NR6A1: variants seen among roughly 807,000 people sequenced by gnomAD.
The protein encoded by NR6A1 is retinoic acid receptor-related testis-associated receptor.
A neutral mutation model predicts 59.1 loss-of-function variants in NR6A1; 7 were observed. The ratio of observed to expected loss-of-function variants is 0.12; its 90% CI spans 0.07 to 0.22. The LOEUF is 0.22. Ranked by LOEUF, NR6A1 falls within the 10% of genes least tolerant of loss-of-function variation. The pLI, the probability that NR6A1 is intolerant of heterozygous loss-of-function variation, is 1.00. For missense variants in NR6A1, 468 were observed against 611.6 expected (o/e 0.77, Z 2.48); for synonymous variants, 243 against 236.1 (o/e 1.03, Z -0.27).
intron 2 of NR6A1, among the ~76,000 whole-genome samples, chr9:124,654,057 C>T (rs1837178502): frequency 6.6e-6 from 1 of 152,182 alleles, no homozygotes; most frequent in African/African-American, 2.4e-5. Flanking sequence ...AAGAAGCTCT[C>T]GTTGAACAAA....
chr9:124,620,826 T>C (rs1028831379), intron 2 of NR6A1, among the ~76,000 whole-genome samples: 15 of 150,204 alleles, frequency 1.0e-4, no homozygotes, highest in Non-Finnish European at 2.1e-4. Context: ...AAAAAAAAGG[T>C]TTAAAAAGAT....
chr9:124,679,902 G>C (rs1050547333), intron 2 of NR6A1, among the ~76,000 whole-genome samples: 1 of 77,078 alleles, frequency 1.3e-5, no homozygotes, highest in African/African-American at 4.5e-5. Flanking sequence ...ATCTCAAAGA[G>C]AAAAAAAAAA....
chr9:124,526,602 C>T (rs1039027472), intron 8 of NR6A1, among the ~76,000 whole-genome samples, 177 bp downstream of exon 8: 5 of 151,916 alleles, frequency 3.3e-5, no homozygotes, highest in Non-Finnish European at 1.5e-5. Context: ...ATTCCCTGTA[C>T]TATAAGGGTC....
chr9:124,630,961 C>T (rs1280498905), intron 2 of NR6A1, among the ~76,000 whole-genome samples: 2 of 152,094 alleles, frequency 1.3e-5, no homozygotes. Context: ...GCGTGAGCCA[C>T]TATGCCGGGC....
At chr9:124,542,491 T>C (rs1833477747) in intron 4 of NR6A1, among the ~76,000 whole-genome samples, 1 of 152,196 alleles carries the variant, frequency 6.6e-6, no homozygotes, top group Non-Finnish European at 1.5e-5. Context: ...CTCCCCTCTA[T>C]CTGCACTGCC....
chr9:124,549,632 T>C (rs1049869360), intron 3 of NR6A1, among the ~76,000 whole-genome samples: 2 of 152,236 alleles, frequency 1.3e-5, no homozygotes, highest in African/African-American at 4.8e-5. Context: ...GAGAGCTGTC[T>C]TGCACATAGG....
chr9:124,526,731 C>G (rs1202022353), intron 8 of NR6A1, 48 bp downstream of exon 8: 1 of 1,605,764 alleles, frequency 6.2e-7, no homozygotes, highest in Non-Finnish European at 8.5e-7. Context: ...ATGCTCACTG[C>G]CTGCCTCCCG....
intron 2 of NR6A1, among the ~76,000 whole-genome samples, chr9:124,683,546 C>A (rs7035105): frequency 0.012 from 1,801 of 152,306 alleles, 38 homozygotes; most frequent in African/African-American, 0.041. Flanking sequence ...GTAATCCCAG[C>A]ACTTTGGGAG....
chr9:124,595,486 A>G (rs1004574936), intron 2 of NR6A1, among the ~76,000 whole-genome samples: 1 of 152,218 alleles, frequency 6.6e-6, no homozygotes, highest in Non-Finnish European at 1.5e-5. Context: ...TTTTAAAATC[A>G]CTATAAAATT....
At chr9:124,639,979 T>C (rs1836725833) in intron 2 of NR6A1, among the ~76,000 whole-genome samples, 1 of 152,254 alleles carries the variant, frequency 6.6e-6, no homozygotes, top group Non-Finnish European at 1.5e-5. Context: ...GATGAACCCA[T>C]GTTTTAAAAT....
At chr9:124,593,205 T>C (rs546151113) in intron 2 of NR6A1, among the ~76,000 whole-genome samples, 60 of 152,332 alleles carry the variant, frequency 3.9e-4, no homozygotes, top group Non-Finnish European at 8.2e-4. Flanking sequence ...TTCTTGACTA[T>C]AAGTCTGGTT....
chr9:124,585,336 C>A (rs143738567), intron 2 of NR6A1, among the ~76,000 whole-genome samples: 1 of 151,970 alleles, frequency 6.6e-6, no homozygotes, highest in Non-Finnish European at 1.5e-5. Context: ...GTCGGGAGAT[C>A]GAGACCATCC....
chr9:124,554,492 A>G lies in NR6A1; in HGVS notation c.221T>C (p.Ile74Thr), dbSNP rs1187257229. ...CCCTTTGCAGCCCTCACAGGAGATG[A>G]TCCCATAGTGCAAGCCTGTAGCGCG... The part of the protein sequence containing the change: ...GDRATGLHYG[I>T]ISCEGCKGFF... Residue 74 changes from isoleucine (I) to threonine (T), a missense_variant, in exon 3 of 10, where the codon ATC becomes ACC. This residue lies in a region of NR6A1 where 66 missense variants were observed against 139.2 expected (regional missense o/e 0.47). Transcript: ENST00000487099. The G allele has an allele frequency of 1.2e-6, 2 of 1,614,214 alleles. No individual in the cohort carries two copies. Among genetic ancestry groups the G allele is most frequent in the Non-Finnish European group, 1.7e-6 (2 of 1,180,032 alleles).
intron 2 of NR6A1, among the ~76,000 whole-genome samples, chr9:124,604,910 C>T (rs952889522): frequency 6.6e-6 from 1 of 151,968 alleles, no homozygotes; most frequent in Non-Finnish European, 1.5e-5. Context: ...GGGTAATAAA[C>T]AGCTATGGAC....
At chr9:124,689,105 GT>G (rs1487072114) in intron 2 of NR6A1, among the ~76,000 whole-genome samples, 1 of 152,082 alleles carries the variant, frequency 6.6e-6, no homozygotes, top group Non-Finnish European at 1.5e-5. Context: ...AAAAGAACAG[GT>G]TTTTTATTAG....
At position 124,549,459 on chromosome 9, in the gene NR6A1, T is replaced by C. The variant is rs185951481; in HGVS notation, c.385+4869A>G. Among the ~76,000 whole-genome samples, 63 of 152,182 alleles carry C rather than the reference T, an allele frequency of 4.1e-4. 1 individual carries two copies. Among genetic ancestry groups the C allele is most frequent in the Non-Finnish European group, 7.1e-4 (48 of 67,988 alleles). ...CTGCAAGATGGGTAAGGAACATACA[T>C]GGGGGATACTAGTGCAGTAGTGGGG... On this transcript the variant is annotated intron_variant, in intron 3 of 9. Coordinates refer to ENST00000487099, the MANE Select transcript of NR6A1 (RefSeq NM_033334.4).
chr9:124,742,121 AAGAGTTTT>A (rs1840187295), intron 1 of NR6A1, among the ~76,000 whole-genome samples: 3 of 152,206 alleles, frequency 2.0e-5, no homozygotes, highest in African/African-American at 4.8e-5. Context: ...GTCATACATG[AAGAGTTTT>A]TGGTTTTTAT....
chr9:124,641,795 C>A (rs949082849), intron 2 of NR6A1, among the ~76,000 whole-genome samples: 11 of 152,146 alleles, frequency 7.2e-5, no homozygotes, highest in African/African-American at 2.7e-4. Flanking sequence ...ACTAAAGCTA[C>A]GCTCTATATG....
intron 2 of NR6A1, among the ~76,000 whole-genome samples, chr9:124,677,951 T>G (rs1838013231): frequency 6.6e-6 from 1 of 152,156 alleles, no homozygotes; most frequent in Non-Finnish European, 1.5e-5. Flanking sequence ...GACAGAAGAC[T>G]CAGAATGCTA....
Sources: gnomAD v4.1 joint callset for allele counts (sites outside exome capture counted in the v4.1 genomes callset) on GRCh38, gnomAD v4.1.1 for gene constraint, gnomAD v4.1.1 regional missense constraint, MANE v1.5 for transcripts, NCBI Gene and HGNC (gene_info 2026-07-23, HGNC 2026-07-21) for gene names.